The following TNFRSF1B variants were observed in gnomAD, a reference collection of about 807,000 sequenced individuals.
The protein encoded by TNFRSF1B is tumor necrosis factor receptor superfamily member 1B.
A neutral mutation model predicts 44.6 loss-of-function variants in TNFRSF1B; 19 were observed. That is an observed-to-expected ratio of 0.43 (90% CI 0.30 to 0.62). The LOEUF (loss-of-function observed/expected upper bound fraction) is 0.62. TNFRSF1B is among the 20% of genes least tolerant of loss of function. TNFRSF1B has a pLI of 0.16. For missense variants in TNFRSF1B, 541 were observed against 619.9 expected (o/e 0.87, Z 1.35); for synonymous variants, 252 against 261.1 (o/e 0.97, Z 0.34).
chr1:12,174,154 T>TTCTCCTTCTCCTTCTC lies in TNFRSF1B; in HGVS notation c.78+6985_78+6986insTCTCCTTCTCCTTCTC, dbSNP rs1557623641. 4.1e-4 allele frequency among the ~76,000 whole-genome samples: 30 copies of TTCTCCTTCTCCTTCTC among 74,044 alleles called. 3 individuals are homozygous for TTCTCCTTCTCCTTCTC. The highest frequency in any genetic ancestry group is 2.4e-3 in the Admixed American group (17 of 7,062). The allele number at this position is 74,044 out of a possible 152,430, so 48.6% of individuals were successfully genotyped here. A position where few individuals can be genotyped will look rare whatever the true frequency, so the allele number is the denominator to read the frequency against. ...TTCTTCTTCTTCTTCTTCTTCTTCT[T>TTCTCCTTCTCCTTCTC]CTTCTTCTTCTCCTTCTCCTTCTCC... is the stretch of plus-strand genomic sequence containing the variant. On this transcript the variant is annotated intron_variant, in intron 1 of 9. Coordinates refer to ENST00000376259, the MANE Select transcript of TNFRSF1B (RefSeq NM_001066.3).
Position 12,183,720 on chromosome 1 carries a change from C to CTATCTAT in TNFRSF1B, c.79-5076_79-5075insTATCTAT, listed in dbSNP as rs1638889745. Among the ~76,000 whole-genome samples, 45 of 92,200 alleles carry CTATCTAT rather than the reference C, an allele frequency of 4.9e-4. 2 individuals carry two copies. The highest frequency in any genetic ancestry group is 1.1e-3 in the African/African-American group (32 of 29,222). The allele number at this position is 92,200 out of a possible 152,430, so 60.5% of individuals were successfully genotyped here. A position where few individuals can be genotyped will look rare whatever the true frequency, so the allele number is the denominator to read the frequency against. On this transcript the variant is annotated intron_variant, in intron 1 of 9. Transcript: ENST00000376259. ...TCTATCTATCTATCTATTCTATCTA[C>CTATCTAT]CTATCTATCTATCTATCTATCTATC...
intron 9 of TNFRSF1B, among the ~76,000 whole-genome samples, chr1:12,203,064 G>A (rs989493739): frequency 1.3e-5 from 2 of 152,226 alleles, no homozygotes; most frequent in Non-Finnish European, 2.9e-5. Flanking sequence ...CCACACTGGA[G>A]GGGCCCCTGT....
At position 12,207,304 on chromosome 1, in the gene TNFRSF1B, G is replaced by C; in HGVS notation, c.*284G>C. 5.3e-6 allele frequency: 2 copies of C among 378,672 alleles called. No individual in the cohort carries two copies. The highest frequency in any genetic ancestry group is 9.4e-6 in the Non-Finnish European group (2 of 213,208). The allele number at this position is 378,672 out of a possible 1,614,324, so 23.5% of individuals were successfully genotyped here. Reference sequence around the variant, plus strand: ...TGCTGGGGCAAGTCCCTGACTCTCTGTGACCTGCCCCGCCCAGCTGCACCT... The same window carrying C: ...TGCTGGGGCAAGTCCCTGACTCTCTCTGACCTGCCCCGCCCAGCTGCACCT... On this transcript the variant is annotated 3_prime_UTR_variant, in exon 10 of 10. Coordinates refer to ENST00000376259, the MANE Select transcript of TNFRSF1B (RefSeq NM_001066.3).
intron 9 of TNFRSF1B, among the ~76,000 whole-genome samples, chr1:12,203,674 T>C (rs1237086871): frequency 6.6e-6 from 1 of 152,094 alleles, no homozygotes; most frequent in Non-Finnish European, 1.5e-5. Context: ...AATGAATGAG[T>C]GCGCTCCAAT....
intron 3 of TNFRSF1B, among the ~76,000 whole-genome samples, chr1:12,191,312 G>C (rs1639117451): frequency 6.6e-6 from 1 of 152,254 alleles, no homozygotes; most frequent in African/African-American, 2.4e-5. Context: ...GCCCACGTGA[G>C]GGTTGAGGAG....
At position 12,188,905 on chromosome 1, in the gene TNFRSF1B, G is replaced by A; in HGVS notation, c.178+10G>A. Reference sequence around the variant, plus strand: ...AGCAAATGCTCGCCGGGTGAGGGCAGCCACGGGGGCACTCGGGGCCCATGC... The same window carrying A: ...AGCAAATGCTCGCCGGGTGAGGGCAACCACGGGGGCACTCGGGGCCCATGC... On this transcript the variant is annotated intron_variant, in intron 2 of 9. Coordinates refer to ENST00000376259, the MANE Select transcript of TNFRSF1B (RefSeq NM_001066.3). 6.2e-7 allele frequency: 1 copy of A among 1,611,628 alleles called. No individual in the cohort carries two copies. Among genetic ancestry groups the A allele is most frequent in the Non-Finnish European group, 8.5e-7 (1 of 1,179,090 alleles).
At chr1:12,194,735 C>A in intron 8 of TNFRSF1B, 117 bp downstream of exon 8, 1 of 1,341,666 alleles carries the variant, frequency 7.5e-7, no homozygotes, top group Non-Finnish European at 1.1e-6. Flanking sequence ...AGGAGGTGTG[C>A]AGAGCCCTGG....
At chr1:12,201,244 G>A (rs535772842) in intron 8 of TNFRSF1B, among the ~76,000 whole-genome samples, 1 of 147,040 alleles carries the variant, frequency 6.8e-6, no homozygotes, top group Non-Finnish European at 1.5e-5. Flanking sequence ...CTGAGCAACA[G>A]GGTGAGACCC....
Position 12,193,023 on chromosome 1 carries a change from A to T in TNFRSF1B, c.712A>T (p.Ser238Cys). ...QPTPEPSTAP[S>C]TSFLLPMGPS... Reference sequence around the variant, plus strand: ...AACTCCAGAACCCAGCACTGCTCCAAGCACCTCCTTCCTGCTCCCAATGGG... The same window carrying T: ...AACTCCAGAACCCAGCACTGCTCCATGCACCTCCTTCCTGCTCCCAATGGG... The change falls in exon 6 of 10, where the codon AGC becomes TGC. Residue 238 changes from serine (S) to cysteine (C), a missense_variant. Coordinates refer to ENST00000376259, the MANE Select transcript of TNFRSF1B (RefSeq NM_001066.3). 1 of 1,614,216 alleles carries T rather than the reference A, an allele frequency of 6.2e-7. No individual in the cohort carries two copies. Among genetic ancestry groups the T allele is most frequent in the South Asian group, 1.1e-5 (1 of 91,086 alleles).
chr1:12,191,671 G>A, intron 3 of TNFRSF1B, 103 bp from the exon 4 acceptor site: 2 of 1,496,940 alleles, frequency 1.3e-6, no homozygotes, highest in Non-Finnish European at 1.8e-6. Context: ...CGGTCCGCCA[G>A]CCTCCTGGAG....
chr1:12,198,849 C>T (rs182845920), intron 8 of TNFRSF1B, among the ~76,000 whole-genome samples: 223 of 152,170 alleles, frequency 1.5e-3, no homozygotes, highest in Non-Finnish European at 1.9e-3. Flanking sequence ...CACCAGCTCG[C>T]CCAGCTAATT....
rs774465726 is a variant in TNFRSF1B, at chr1:12,206,943, C to T, written c.1309C>T (p.Pro437Ser). ...ECAFRSQLET[P>S]ETLLGSTEEK... is the part of the protein sequence containing the mutation. The stretch of plus-strand genomic sequence containing the variant: ...TGCCTTTCGGTCACAGCTGGAGACG[C>T]CAGAGACCCTGCTGGGGAGCACCGA... Residue 437 changes from proline (P) to serine (S), a missense_variant, in exon 10 of 10, where the codon CCA becomes TCA. Coordinates refer to ENST00000376259, the MANE Select transcript of TNFRSF1B (RefSeq NM_001066.3). 1.6e-5 allele frequency: 26 copies of T among 1,613,902 alleles called. No individual in the cohort carries two copies. The highest frequency in any genetic ancestry group is 4.2e-6 in the Non-Finnish European group (5 of 1,179,858).
rs200146233 is a variant in TNFRSF1B, at chr1:12,183,678, A to AT, written c.79-5117dup. Among the ~76,000 whole-genome samples the AT allele has an allele frequency of 1.6e-4, 20 of 126,438 alleles. No homozygotes were observed. The South Asian group carries it at 2.3e-3, about 15-fold the overall frequency. 82.9% of individuals were successfully genotyped at this position (126,438 alleles called of 152,430 possible). On this transcript the variant is annotated intron_variant, in intron 1 of 9. Coordinates refer to ENST00000376259, the MANE Select transcript of TNFRSF1B (RefSeq NM_001066.3). ...ATTTTATCTATCTATCTATCTATCT[A>AT]TCTATCTATCTATCTATCTATCTAT... is the stretch of plus-strand genomic sequence containing the variant.
intron 1 of TNFRSF1B, among the ~76,000 whole-genome samples, chr1:12,179,027 G>A (rs1297332059): frequency 1.3e-5 from 2 of 152,050 alleles, no homozygotes; most frequent in Admixed American, 6.5e-5. Context: ...CCCTTGGAGG[G>A]TGACGGTGGG....
At chr1:12,192,161 A>G (rs1192017619) in intron 4 of TNFRSF1B, among the ~76,000 whole-genome samples, 12 of 152,244 alleles carry the variant, frequency 7.9e-5, no homozygotes, top group Non-Finnish European at 1.6e-4. Flanking sequence ...GGATCAGACC[A>G]AGCCCTAAGC....
chr1:12,167,689 G>A (rs150211637), intron 1 of TNFRSF1B, among the ~76,000 whole-genome samples: 51 of 152,356 alleles, frequency 3.3e-4, no homozygotes, highest in African/African-American at 1.2e-3. Context: ...TGTGTCTGAA[G>A]AGCAGGACCA....
rs950679507 is a variant in TNFRSF1B, at chr1:12,171,132, A to G, written c.78+3963A>G. Among the ~76,000 whole-genome samples, 17 of 150,050 alleles carry G rather than the reference A, an allele frequency of 1.1e-4. No homozygotes were observed. The highest frequency in any genetic ancestry group is 3.9e-4 in the African/African-American group (16 of 40,622). On this transcript the variant is annotated intron_variant, in intron 1 of 9. Transcript: ENST00000376259. The surrounding 1 kb of genome is among the most constrained non-coding windows in gnomAD (Gnocchi z 4.5). ...ATTTTCCCACCTCAGCCTCCCAAGT[A>G]GCTGGGATTACAGGTGTGTGCCACC...
rs1286765724 is a variant in TNFRSF1B at position 12,199,433 on chromosome 1, C to T, written c.901-2534C>T. 6.6e-6 allele frequency among the ~76,000 whole-genome samples: 1 copy of T among 152,348 alleles called. No individual in the cohort carries two copies. Among genetic ancestry groups the T allele is most frequent in the Non-Finnish European group, 1.5e-5 (1 of 68,032 alleles). Reference sequence around the variant, plus strand: ...CTGGTCTAGGCTTCTGCTCCTGCCACGGACCAGCTGTGTGATGCTGGGCAC... The same window carrying T: ...CTGGTCTAGGCTTCTGCTCCTGCCATGGACCAGCTGTGTGATGCTGGGCAC... On this transcript the variant is annotated intron_variant, in intron 8 of 9. Transcript: ENST00000376259. This position sits in a 1 kb window ranked among gnomAD's most constrained non-coding sequence, Gnocchi z 4.0.
intron 1 of TNFRSF1B, among the ~76,000 whole-genome samples, chr1:12,183,744 TCTATCTAGCTAGCTAGCTAGCTAG>T (rs1343871126): frequency 1.6e-3 from 167 of 103,820 alleles, no homozygotes; most frequent in South Asian, 2.4e-3. Flanking sequence ...TATCTATCTA[TCTATCTAGCTAGCTAGCTAGCTAG>T]CTATCTATTC....
Sources: allele counts gnomAD v4.1 joint callset (sites outside exome capture counted in the v4.1 genomes callset), GRCh38; gene constraint gnomAD v4.1.1; non-coding constraint Gnocchi (gnomAD v3.1); transcripts MANE v1.5; gene names NCBI Gene and HGNC (gene_info 2026-07-23, HGNC 2026-07-21).